Variants in FRMD4B observed in about 807,000 individuals in gnomAD.
FRMD4B encodes the protein FERM domain containing 4B.
A neutral mutation model predicts 141.5 loss-of-function variants in FRMD4B; 74 were observed. That is an observed-to-expected ratio of 0.52 (90% CI 0.43 to 0.63). FRMD4B has a LOEUF of 0.63. Among genes scored for constraint, FRMD4B ranks in the 30% least tolerant of loss-of-function variants. FRMD4B has a pLI of 0.00. For synonymous variants in FRMD4B, 506 were observed against 467.9 expected (o/e 1.08, Z -1.05); for missense variants, 1,366 against 1,253.4 (o/e 1.09, Z -1.36).
intron 1 of FRMD4B, among the ~76,000 whole-genome samples, chr3:69,530,997 G>T (rs1277063593): frequency 6.6e-6 from 1 of 152,182 alleles, no homozygotes; most frequent in Non-Finnish European, 1.5e-5. Context: ...AGAAATAGAA[G>T]AAGTATAACT....
chr3:69,427,403 T>C (rs2106824947), intron 2 of FRMD4B, among the ~76,000 whole-genome samples: 1 of 150,234 alleles, frequency 6.7e-6, no homozygotes, highest in Non-Finnish European at 1.5e-5. Context: ...TGCCTTTTAA[T>C]TCAGCATTTT....
intron 1 of FRMD4B, among the ~76,000 whole-genome samples, chr3:69,337,683 G>A (rs1276535439): frequency 6.6e-6 from 1 of 152,222 alleles, no homozygotes; most frequent in East Asian, 1.9e-4. Flanking sequence ...AGTCACTTAT[G>A]CAGCCAAAAG....
chr3:69,387,434 T>C (rs1251743770), upstream of FRMD4B, among the ~76,000 whole-genome samples: 1 of 152,152 alleles, frequency 6.6e-6, no homozygotes, highest in Admixed American at 6.5e-5. Context: ...TCCCTTAGAA[T>C]GTATGAAGAT....
intron 5 of FRMD4B, among the ~76,000 whole-genome samples, chr3:69,256,446 A>G (rs2093493618): frequency 6.6e-6 from 1 of 152,080 alleles, no homozygotes; most frequent in Non-Finnish European, 1.5e-5. Context: ...CAGCCTCCTG[A>G]TCAACTGGGA....
intron 11 of FRMD4B, chr3:69,200,912 A>C (rs942159304): frequency 2.2e-5 from 10 of 453,488 alleles, no homozygotes; most frequent in African/African-American, 1.8e-4. Flanking sequence ...GCTGGACTTG[A>C]AACATGATCT....
In FRMD4B at chr3:69,267,589, GTGTGTGTATATATATATATATA is replaced by G. The variant is rs1235490564; in HGVS notation, c.502-17512_502-17491del. Among the ~76,000 whole-genome samples, 187 of 101,268 alleles carry G rather than the reference GTGTGTGTATATATATATATATA, an allele frequency of 1.8e-3. 12 individuals carry two copies. The highest frequency in any genetic ancestry group is 3.1e-3 in the South Asian group (8 of 2,540). 66.4% of individuals were successfully genotyped at this position (101,268 alleles called of 152,430 possible). A position where few individuals can be genotyped will look rare whatever the true frequency, so the allele number is the denominator to read the frequency against. On this transcript the variant is annotated intron_variant, in intron 5 of 22. Transcript: ENST00000398540. ...TACATATATATATATGTGTGTGTGT[GTGTGTGTATATATATATATATA>G]TATATATATATATATATATATATAT...
At chr3:69,530,632 A>G (rs1332907212) in intron 1 of FRMD4B, among the ~76,000 whole-genome samples, 1 of 152,038 alleles carries the variant, frequency 6.6e-6, no homozygotes, top group Non-Finnish European at 1.5e-5. Flanking sequence ...GACGTTTAGT[A>G]TCTGGCCCTC....
chr3:69,297,764 G>A (rs1372028630), intron 4 of FRMD4B, among the ~76,000 whole-genome samples: 1 of 152,198 alleles, frequency 6.6e-6, no homozygotes, highest in Non-Finnish European at 1.5e-5. Context: ...ACAACCCCCA[G>A]CCTGGGGAAG....
chr3:69,313,845 A>AT (rs202074319), intron 1 of FRMD4B, among the ~76,000 whole-genome samples: 4 of 152,072 alleles, frequency 2.6e-5, no homozygotes, highest in South Asian at 2.1e-4. Flanking sequence ...TTAATGTTTT[A>AT]TTTAAAAAAA....
chr3:69,506,267 C>T (rs763934215), intron 1 of FRMD4B, among the ~76,000 whole-genome samples: 9 of 151,966 alleles, frequency 5.9e-5, no homozygotes, highest in African/African-American at 9.7e-5. Flanking sequence ...AGAAGACTGG[C>T]GGGGACTCAT....
intron 4 of FRMD4B, among the ~76,000 whole-genome samples, chr3:69,295,435 C>T (rs1035380605): frequency 6.6e-6 from 1 of 152,148 alleles, no homozygotes; most frequent in Non-Finnish European, 1.5e-5. Flanking sequence ...AATCCTCCTG[C>T]CTCAGCCTCC....
chr3:69,390,418 A>T (rs1426468923), upstream of FRMD4B, among the ~76,000 whole-genome samples: 1 of 152,214 alleles, frequency 6.6e-6, no homozygotes, highest in Non-Finnish European at 1.5e-5. Context: ...ATGCTGAGAC[A>T]TGTGGCAATG....
chr3:69,427,482 C>A (rs1705103041), intron 2 of FRMD4B, among the ~76,000 whole-genome samples: 1 of 150,402 alleles, frequency 6.6e-6, no homozygotes, highest in Non-Finnish European at 1.5e-5. Context: ...GAGACATGAA[C>A]CTTAGGGAGA....
chr3:69,281,851 A>ATATT (rs1435910819), intron 5 of FRMD4B, among the ~76,000 whole-genome samples: 1 of 148,772 alleles, frequency 6.7e-6, no homozygotes, highest in African/African-American at 2.5e-5. Flanking sequence ...ATATATATAT[A>ATATT]TTTTTGCTTA....
intron 1 of FRMD4B, among the ~76,000 whole-genome samples, chr3:69,478,524 T>A (rs920240612): frequency 1.3e-5 from 2 of 152,152 alleles, no homozygotes; most frequent in Non-Finnish European, 2.9e-5. Context: ...TTTGAGTGAG[T>A]TTCTTAATCC....
At position 69,181,474 on chromosome 3, in the gene FRMD4B, C is replaced by T. The variant is rs188054483; in HGVS notation, c.2276G>A (p.Arg759His). Residue 759 changes from arginine (R) to histidine (H), a missense_variant, in exon 21 of 23, where the codon CGC becomes CAC. Arg to His is a conservative substitution (Grantham distance 29). Coordinates refer to ENST00000398540, the MANE Select transcript of FRMD4B (RefSeq NM_015123.3). The part of the protein sequence containing the change: ...PYYTTQTLDT[R>H]TRGRRRSKKQ... ...CTTTGACCTCCTCCGACCCCTGGTG[C>T]GAGTGTCCAGGGTCTGGGTGGTGTA... The T allele has an allele frequency of 1.4e-5, 22 of 1,613,384 alleles. No individual in the cohort carries two copies. Among genetic ancestry groups the T allele is most frequent in the Middle Eastern group, 3.3e-4 (2 of 6,056 alleles).
chr3:69,511,536 C>T lies in FRMD4B; in HGVS notation c.-129+30670G>A, dbSNP rs115238469. Among the ~76,000 whole-genome samples the T allele has an allele frequency of 8.4e-3, 1,281 of 152,228 alleles. 21 individuals carry two copies. Among genetic ancestry groups the T allele is most frequent in the African/African-American group, 0.029 (1,207 of 41,534 alleles). The stretch of plus-strand genomic sequence containing the variant: ...TGGTGGCCATGGAAACACAACTCTC[C>T]AACTGCAGGGAGCATACCTGACTGA... On this transcript the variant is annotated intron_variant, in intron 1 of 5. Transcript: ENST00000459638.
At chr3:69,534,038 G>A (rs1007483382) in intron 1 of FRMD4B, among the ~76,000 whole-genome samples, 2 of 152,168 alleles carry the variant, frequency 1.3e-5, no homozygotes, top group Non-Finnish European at 2.9e-5. Flanking sequence ...GCATCACCTG[G>A]AGCTTGTTAG....
At chr3:69,438,036 C>T (rs1196397247) in intron 1 of FRMD4B, among the ~76,000 whole-genome samples, 1 of 135,336 alleles carries the variant, frequency 7.4e-6, no homozygotes, top group Non-Finnish European at 1.5e-5. Flanking sequence ...TTATATGTAA[C>T]TATATATACT....
Sources: allele counts gnomAD v4.1 joint callset (sites outside exome capture counted in the v4.1 genomes callset), GRCh38; gene constraint gnomAD v4.1.1; transcripts MANE v1.5; gene names NCBI Gene and HGNC (gene_info 2026-07-23, HGNC 2026-07-21).